Variants in NAALADL2 observed in about 807,000 individuals in gnomAD.
NAALADL2 encodes N-acetylated alpha-linked acidic dipeptidase like 2.
NAALADL2 carries 76 observed loss-of-function variants against 87.2 expected under a neutral mutation model. That is an observed-to-expected ratio of 0.87 (90% CI 0.72 to 1.05). The LOEUF is 1.05. Ranked by LOEUF, NAALADL2 falls within the 50% of genes least tolerant of loss-of-function variation. The probability of loss-of-function intolerance (pLI) is 0.00; values close to 1 mark genes in which losing one functional copy is unlikely to be tolerated. For synonymous variants in NAALADL2, 354 were observed against 331.0 expected, an observed-to-expected ratio of 1.07 and a Z score of -0.75; for missense variants, 1,089 against 945.8, an observed-to-expected ratio of 1.15 and a Z score of -1.99.
rs1318244223 is a variant in NAALADL2, at chr3:174,800,426, G to A, written c.-9+62680G>A. On this transcript the variant is annotated intron_variant, in intron 3 of 3. Coordinates refer to the NAALADL2 transcript ENST00000434257. ...CTTCCATGTGGTGTTGAGCCTGCAG[G>A]TGCACAGAAGTCACGAATTGGGGTT... Among the ~76,000 whole-genome samples the A allele has an allele frequency of 5.9e-5, 9 of 152,216 alleles. No individual in the cohort carries two copies. In the East Asian group the frequency reaches 1.5e-3, roughly 26 times the overall value.
In NAALADL2 at chr3:175,803,177, A is replaced by T; in HGVS notation, c.2362A>T (p.Lys788Ter). 1.2e-6 allele frequency: 2 copies of T among 1,610,082 alleles called. No homozygotes were observed. Among genetic ancestry groups the T allele is most frequent in the Non-Finnish European group, 8.5e-7 (1 of 1,178,036 alleles). Residue 788 changes from lysine (K) to a stop codon, truncating the protein, a stop_gained, in exon 14 of 14, where the codon AAG becomes TAG. Coordinates refer to ENST00000454872, the MANE Select transcript of NAALADL2 (RefSeq NM_207015.3). LOFTEE classifies it high-confidence loss of function. ...VYFKAGLDVF[K>*]SVLDGKN Reference sequence around the variant, plus strand: ...CTTCAAAGCAGGACTTGATGTGTTCAAGAGTGTCTTGGATGGGAAGAATTG... The same window carrying T: ...CTTCAAAGCAGGACTTGATGTGTTCTAGAGTGTCTTGGATGGGAAGAATTG...
chr3:175,685,449 G>GGTGTGT (rs59449046), intron 11 of NAALADL2, among the ~76,000 whole-genome samples: 9,485 of 144,590 alleles, frequency 0.066, 341 homozygotes, highest in Middle Eastern at 0.13. Context: ...ACCAACAGGA[G>GGTGTGT]GTGTGTGTGT....
chr3:175,770,496 A>G (rs2150176881), intron 13 of NAALADL2, among the ~76,000 whole-genome samples: 1 of 152,330 alleles, frequency 6.6e-6, no homozygotes, highest in South Asian at 2.1e-4. Context: ...ATATTTGGCT[A>G]ATCCTAATGT....
At chr3:174,650,839 C>G (rs1724285609) in intron 2 of NAALADL2, among the ~76,000 whole-genome samples, 1 of 152,132 alleles carries the variant, frequency 6.6e-6, no homozygotes, top group East Asian at 1.9e-4. Context: ...AGTGAAGTTG[C>G]ATTTTCCTCT....
At chr3:175,371,108 C>G (rs1002495643) in intron 5 of NAALADL2, among the ~76,000 whole-genome samples, 9 of 152,014 alleles carry the variant, frequency 5.9e-5, no homozygotes, top group Non-Finnish European at 1.3e-4. Flanking sequence ...GACAATATTA[C>G]CAAAATTTCA....
intron 2 of NAALADL2, among the ~76,000 whole-genome samples, chr3:175,191,239 C>T (rs2109057478): frequency 6.6e-6 from 1 of 150,762 alleles, no homozygotes; most frequent in South Asian, 2.1e-4. Context: ...ATGTTGCATA[C>T]TTTATGTAAA....
At chr3:175,793,348 G>A (rs1209920106) in intron 13 of NAALADL2, among the ~76,000 whole-genome samples, 2 of 135,666 alleles carry the variant, frequency 1.5e-5, no homozygotes, top group Non-Finnish European at 3.0e-5. Context: ...TCTCTCTGTC[G>A]CCTGGGCTGG....
At chr3:175,348,766 A>G (rs1763426032) in intron 5 of NAALADL2, among the ~76,000 whole-genome samples, 1 of 152,182 alleles carries the variant, frequency 6.6e-6, no homozygotes, top group South Asian at 2.1e-4. Flanking sequence ...TACATCTGCA[A>G]AGACTCTTTT....
At chr3:174,547,265 C>T (rs1711513387) in intron 1 of NAALADL2, among the ~76,000 whole-genome samples, 1 of 152,106 alleles carries the variant, frequency 6.6e-6, no homozygotes, top group Non-Finnish European at 1.5e-5. Context: ...CCTGCATATA[C>T]ACTCTGATTA....
At chr3:174,709,682 TC>T (rs1730437693) in intron 2 of NAALADL2, among the ~76,000 whole-genome samples, 1 of 152,080 alleles carries the variant, frequency 6.6e-6, no homozygotes, top group African/African-American at 2.4e-5. Context: ...AAGATAAAAA[TC>T]TTGATATATT....
intron 2 of NAALADL2, among the ~76,000 whole-genome samples, chr3:174,696,956 C>G (rs756804044): frequency 1.3e-5 from 2 of 151,946 alleles, no homozygotes; most frequent in Non-Finnish European, 2.9e-5. Context: ...TTAAGCAGAA[C>G]AAGAACAAGG....
At chr3:175,567,085 C>T (rs960207737) in intron 9 of NAALADL2, among the ~76,000 whole-genome samples, 12 of 152,120 alleles carry the variant, frequency 7.9e-5, no homozygotes, top group Non-Finnish European at 1.8e-4. Flanking sequence ...AGAGTAGGTA[C>T]TATTTTATTA....
chr3:175,115,428 T>C (rs2108521902), intron 2 of NAALADL2, among the ~76,000 whole-genome samples: 1 of 151,760 alleles, frequency 6.6e-6, no homozygotes, highest in East Asian at 1.9e-4. Context: ...TTAATTTCTT[T>C]TAATAAAAGA....
At chr3:175,238,605 C>T (rs1746318039) in intron 3 of NAALADL2, among the ~76,000 whole-genome samples, 1 of 152,018 alleles carries the variant, frequency 6.6e-6, no homozygotes, top group South Asian at 2.1e-4. Flanking sequence ...CAGATTATAT[C>T]AGTATTATAA....
chr3:174,795,190 T>C (rs147874473), intron 3 of NAALADL2, among the ~76,000 whole-genome samples: 1,631 of 151,360 alleles, frequency 0.011, 38 homozygotes, highest in African/African-American at 0.038. Context: ...AGAGACAGGG[T>C]TTCTCCATGT....
At chr3:175,594,474 G>T (rs1721974242) in intron 10 of NAALADL2, among the ~76,000 whole-genome samples, 1 of 152,052 alleles carries the variant, frequency 6.6e-6, no homozygotes, top group Admixed American at 6.6e-5. Flanking sequence ...ATGAACATGT[G>T]AGTACCCTTG....
At chr3:175,793,932 G>C (rs1455771211) in intron 13 of NAALADL2, among the ~76,000 whole-genome samples, 1 of 152,116 alleles carries the variant, frequency 6.6e-6, no homozygotes, top group Non-Finnish European at 1.5e-5. Flanking sequence ...CAGCTTAAAT[G>C]GCAAACTTTT....
At position 175,227,428 on chromosome 3, in the gene NAALADL2, G is replaced by A. The variant is rs193286935; in HGVS notation, c.546-6503G>A. On this transcript the variant is annotated intron_variant, in intron 2 of 13. Coordinates refer to ENST00000454872, the MANE Select transcript of NAALADL2 (RefSeq NM_207015.3). ...TGCTGCCTGCCAAAACTACTGGCCC[G>A]TGGAAACCCTTATTTTAAAAAGTAA... Among the ~76,000 whole-genome samples the A allele has an allele frequency of 1.2e-3, 184 of 152,058 alleles. No individual in the cohort carries two copies. The Middle Eastern group carries it at 0.017, about 14-fold the overall frequency.
At chr3:174,871,278 A>G (rs1727789120) in intron 1 of NAALADL2, among the ~76,000 whole-genome samples, 1 of 152,234 alleles carries the variant, frequency 6.6e-6, no homozygotes, top group Admixed American at 6.5e-5. Context: ...ATCCATAAAC[A>G]TAATAAAAAA....
Sources: gnomAD v4.1 joint callset for allele counts (sites outside exome capture counted in the v4.1 genomes callset) on GRCh38, gnomAD v4.1.1 for gene constraint, MANE v1.5 for transcripts, NCBI Gene and HGNC (gene_info 2026-07-23, HGNC 2026-07-21) for gene names.